The following ASPM variants were observed in gnomAD, a reference collection of about 807,000 sequenced individuals.
ASPM encodes abnormal spindle-like microcephaly-associated protein.
In ASPM, 256 loss-of-function variants were observed where a neutral mutation model predicts 366.4. The ratio of observed to expected loss-of-function variants is 0.70; its 90% CI spans 0.63 to 0.77. The LOEUF is 0.77. ASPM is among the 30% of genes least tolerant of loss of function. ASPM has a pLI of 0.00. For missense variants in ASPM, 4,146 were observed against 4,090.4 expected, an observed-to-expected ratio of 1.01 and a Z score of -0.37; for synonymous variants, 1,414 against 1,342.9, an observed-to-expected ratio of 1.05 and a Z score of -1.16.
rs753771321 is a variant in ASPM, at chr1:197,090,016, A to G, written c.9898T>C (p.Phe3300Leu). 1.4e-5 allele frequency: 22 copies of G among 1,613,348 alleles called. No individual in the cohort carries two copies. Among genetic ancestry groups the G allele is most frequent in the Non-Finnish European group, 5.1e-6 (6 of 1,179,654 alleles). Residue 3300 changes from phenylalanine to leucine, a missense_variant, in exon 25 of 28, where the codon TTT becomes CTT. Physicochemically the swap from Phe to Leu is conservative, Grantham distance 22. Around this residue, in one of 3 missense-constraint regions of ASPM, gnomAD observed 3,624 missense variants for 3,591.7 expected, o/e 1.01. Transcript: ENST00000367409. ...CGATTACAACTTCGGATCAAAACAA[A>G]TATTTTAGAAATTGCTCCACTCTGG... ...MAQSGAISKI[F>L]VLIRSCNRSI...
rs774808647 is a variant in ASPM, at chr1:197,104,581, C to T, written c.4670G>A (p.Cys1557Tyr). The change falls in exon 18 of 28, where the codon TGT becomes TAT. Residue 1557 changes from cysteine (C) to tyrosine (Y), a missense_variant. This residue lies in a region of ASPM where 3,624 missense variants were observed against 3,591.7 expected (regional missense o/e 1.01). Transcript: ENST00000367409. ...AFRRLKAHNL[C>Y]RQIRAACVIQ... is the part of the protein sequence containing the mutation. The stretch of plus-strand genomic sequence containing the variant: ...AACACAAGCAGCTCTAATTTGTCTA[C>T]ATAAATTATGAGCTTTCAGTCTCCT... 2.5e-6 allele frequency: 4 copies of T among 1,612,896 alleles called. No homozygotes were observed. The South Asian group carries it at 3.3e-5, about 13-fold the overall frequency.
chr1:197,138,032 T>C (rs971314647), intron 4 of ASPM, among the ~76,000 whole-genome samples: 14 of 152,116 alleles, frequency 9.2e-5, no homozygotes, highest in African/African-American at 3.4e-4. Context: ...TTAATTAGAT[T>C]TGTATAACAT....
In ASPM at chr1:197,143,992, A is replaced by C. The variant is rs1342855897; in HGVS notation, c.406T>G (p.Leu136Val). The part of the protein sequence containing the change: ...VNDVLKHQAI[L>V]LGNAEEQKKK... The stretch of plus-strand genomic sequence containing the variant: ...TTCTGCTCTTCTGCATTTCCTAGTA[A>C]TATAGCTTGGTGTTTCAGAACATCA... The change falls in exon 2 of 28, where the codon TTA becomes GTA. Residue 136 changes from leucine to valine, a missense_variant. Physicochemically the swap from Leu to Val is conservative, Grantham distance 32. Transcript: ENST00000367409. The C allele has an allele frequency of 2.5e-6, 4 of 1,609,398 alleles. No homozygotes were observed. In the African/African-American group the frequency reaches 4.0e-5, roughly 16 times the overall value.
rs1657285202 is a variant in ASPM at position 197,103,640 on chromosome 1, A to C, written c.5611T>G (p.Phe1871Val). 1.2e-6 allele frequency: 2 copies of C among 1,612,794 alleles called. No homozygotes were observed. Among genetic ancestry groups the C allele is most frequent in the Non-Finnish European group, 8.5e-7 (1 of 1,179,400 alleles). ...YKTLHDTRTH[F>V]LKTKAAVISL... is the part of the protein sequence containing the mutation. ...ATCACAGCTGCCTTTGTCTTCAAAA[A>C]ATGTGTTCTTGTATCATGAAGAGTC... The change falls in exon 18 of 28, where the codon TTT becomes GTT. Residue 1871 changes from phenylalanine (F) to valine (V), a missense_variant. Phe to Val is a conservative substitution (Grantham distance 50). Coordinates refer to ENST00000367409, the MANE Select transcript of ASPM (RefSeq NM_018136.5).
At chr1:197,093,383 T>C (rs1052885711) in intron 20 of ASPM, 122 bp from the exon 21 acceptor site, 3 of 843,886 alleles carry the variant, frequency 3.6e-6, no homozygotes, top group African/African-American at 3.4e-5. Flanking sequence ...AAGAATGCCA[T>C]GTTTCATAGA....
intron 9 of ASPM, 74 bp downstream of exon 9, chr1:197,129,112 GA>G (rs1395311902): frequency 6.5e-7 from 1 of 1,531,734 alleles, no homozygotes; most frequent in African/African-American, 1.4e-5. Context: ...TTTCTAAAGA[GA>G]AAACATACCA....
Position 197,145,871 on chromosome 1 carries a change from A to ATATATATATATATATATATAT in ASPM, c.297+269_297+270insATATATATATATATATATATA, listed in dbSNP as rs1557967356. 9.4e-5 allele frequency among the ~76,000 whole-genome samples: 14 copies of ATATATATATATATATATATAT among 148,432 alleles called. No individual in the cohort carries two copies. The East Asian group carries it at 2.4e-3, about 25-fold the overall frequency. ...ATATATATATATATATATATATAAT[A>ATATATATATATATATATATAT]TTGACACATATATATATACTCACAC... is the stretch of plus-strand genomic sequence containing the variant. On this transcript the variant is annotated intron_variant, in intron 1 of 27. Transcript: ENST00000367409.
Position 197,143,403 on chromosome 1 carries a change from G to A in ASPM, c.849C>T (p.Ser283=), listed in dbSNP as rs6677082. 1,421,618 of 1,613,648 alleles carry A rather than the reference G, an allele frequency of 0.88. 637,207 individuals carry two copies. The highest frequency in any genetic ancestry group is 0.98 in the East Asian group (44,044 of 44,868). ...CTCCTCTTTGGCCATTAACATTTAC[G>A]GAATTAAAGGAAGTTTCAGTTACAG... The part of the protein sequence containing the change: ...EKAVTETSFN[S]VNVNGQRGEN... The change falls in exon 3 of 28, where the codon TCC becomes TCT. Residue 283 remains serine (S), a synonymous_variant. Coordinates refer to ENST00000367409, the MANE Select transcript of ASPM (RefSeq NM_018136.5).
intron 16 of ASPM, among the ~76,000 whole-genome samples, chr1:197,120,295 CAG>C (rs1382030551): frequency 6.6e-6 from 1 of 152,114 alleles, no homozygotes; most frequent in Non-Finnish European, 1.5e-5. Context: ...CTGTGGGAGA[CAG>C]AGTCAGGCAG....
chr1:197,144,910 G>T (rs1658719994), intron 1 of ASPM, among the ~76,000 whole-genome samples: 2 of 152,226 alleles, frequency 1.3e-5, no homozygotes, highest in South Asian at 4.1e-4. Context: ...TAAGAATGGT[G>T]CATTTTTACT....
intron 3 of ASPM, among the ~76,000 whole-genome samples, chr1:197,141,299 C>T (rs1369110155): frequency 6.6e-6 from 1 of 152,104 alleles, no homozygotes; most frequent in Non-Finnish European, 1.5e-5. Context: ...TTGATTTGCA[C>T]ATTGTCTATG....
chr1:197,124,942 T>A lies in ASPM; in HGVS notation c.3096A>T (p.Leu1032=), dbSNP rs777441329. 1.9e-6 allele frequency: 3 copies of A among 1,611,620 alleles called. No individual in the cohort carries two copies. The highest frequency in any genetic ancestry group is 2.5e-6 in the Non-Finnish European group (3 of 1,177,754). ...TGTGCCTATCCACAATATCCTTAGA[T>A]AGAATTGTATTTCCTATAAAAGAAA... ...ELSDEHGNTI[L]SKDIVDRHRE... Residue 1032 remains leucine, a synonymous_variant, in exon 12 of 28, where the codon CTA becomes CTT. Coordinates refer to ENST00000367409, the MANE Select transcript of ASPM (RefSeq NM_018136.5).
intron 22 of ASPM, among the ~76,000 whole-genome samples, chr1:197,091,625 T>A (rs1656788584): frequency 6.6e-6 from 1 of 152,038 alleles, no homozygotes. Context: ...AGTCTTCTGA[T>A]ACTTTATGTT....
intron 20 of ASPM, among the ~76,000 whole-genome samples, 172 bp downstream of exon 20, chr1:197,093,912 T>C (rs1333079202): frequency 6.6e-6 from 1 of 151,892 alleles, no homozygotes; most frequent in Non-Finnish European, 1.5e-5. Flanking sequence ...TGGGAGAATA[T>C]AATTTTTAAT....
intron 22 of ASPM, 83 bp from the exon 23 acceptor site, chr1:197,091,124 T>C (rs577450979): frequency 2.1e-5 from 24 of 1,149,952 alleles, no homozygotes; most frequent in Non-Finnish European, 3.0e-5. Context: ...TATACATAAA[T>C]GAAAGAAATA....
chr1:197,119,121 T>G (rs975493751), intron 16 of ASPM, among the ~76,000 whole-genome samples: 1 of 152,152 alleles, frequency 6.6e-6, no homozygotes, highest in African/African-American at 2.4e-5. Context: ...ATAAAAAAGG[T>G]GACCAATAGA....
chr1:197,110,518 T>C (rs2125099256), intron 17 of ASPM, among the ~76,000 whole-genome samples: 1 of 152,150 alleles, frequency 6.6e-6, no homozygotes, highest in East Asian at 1.9e-4. Context: ...AGAAAAGTGA[T>C]AACTGGATTC....
At chr1:197,137,507 CAT>C (rs1658454542) in intron 4 of ASPM, among the ~76,000 whole-genome samples, 1 of 152,166 alleles carries the variant, frequency 6.6e-6, no homozygotes, top group South Asian at 2.1e-4. Context: ...TGTAGTGACT[CAT>C]AGCGCTCTGT....
chr1:197,104,204 T>C lies in ASPM; in HGVS notation c.5047A>G (p.Ile1683Val), dbSNP rs761673766. 1.2e-5 allele frequency: 20 copies of C among 1,612,484 alleles called. No individual in the cohort carries two copies. In the South Asian group the frequency reaches 1.8e-4, roughly 14 times the overall value. Residue 1683 changes from isoleucine (I) to valine (V), a missense_variant, in exon 18 of 28, where the codon ATA becomes GTA. Ile to Val is a conservative substitution (Grantham distance 29). This residue lies in a region of ASPM where 3,624 missense variants were observed against 3,591.7 expected (regional missense o/e 1.01). Coordinates refer to ENST00000367409, the MANE Select transcript of ASPM (RefSeq NM_018136.5). Reference protein sequence around the residue: ...KEFLSLKNATIKLQSTVKMKQ... With the variant: ...KEFLSLKNATVKLQSTVKMKQ... ...ATCTTAACAGTTGACTGCAATTTTATTGTAGCATTTTTTAGGCTCAAAAAT... is the reference window on the plus strand; with the variant it reads ...ATCTTAACAGTTGACTGCAATTTTACTGTAGCATTTTTTAGGCTCAAAAAT...
Sources: gnomAD v4.1 joint callset for allele counts (sites outside exome capture counted in the v4.1 genomes callset) on GRCh38, gnomAD v4.1.1 for gene constraint, gnomAD v4.1.1 regional missense constraint, MANE v1.5 for transcripts, NCBI Gene and HGNC (gene_info 2026-07-23, HGNC 2026-07-21) for gene names.